Variants in NUP153 observed in about 807,000 individuals in gnomAD.
NUP153 encodes the protein nuclear pore complex protein Nup153.
Under a neutral mutation model 134.6 loss-of-function variants are expected in NUP153, and 27 were observed. That is an observed-to-expected ratio of 0.20 (90% CI 0.15 to 0.28). The LOEUF is 0.28. NUP153 is among the 10% of genes least tolerant of loss of function. The probability of loss-of-function intolerance (pLI) is 1.00; values close to 1 mark genes in which losing one functional copy is unlikely to be tolerated. For synonymous variants in NUP153, 640 were observed against 623.5 expected, an observed-to-expected ratio of 1.03 and a Z score of -0.40; for missense variants, 1,821 against 1,731.3, an observed-to-expected ratio of 1.05 and a Z score of -0.92.
intron 11 of NUP153, among the ~76,000 whole-genome samples, chr6:17,659,499 A>C (rs935210668): frequency 6.6e-6 from 1 of 152,156 alleles, no homozygotes; most frequent in African/African-American, 2.4e-5. Flanking sequence ...TTTGAGACAA[A>C]GTCTCGCTCT....
At chr6:17,663,218 T>C (rs1767298689) in intron 9 of NUP153, among the ~76,000 whole-genome samples, 1 of 140,864 alleles carries the variant, frequency 7.1e-6, no homozygotes, top group Non-Finnish European at 1.5e-5. Context: ...AATATTATGC[T>C]AAAAAGAAAA....
chr6:17,666,092 G>T (rs1767519389), intron 8 of NUP153, among the ~76,000 whole-genome samples: 2 of 151,896 alleles, frequency 1.3e-5, no homozygotes, highest in Admixed American at 6.6e-5. Flanking sequence ...CTCAAAGAGT[G>T]CTGGGATTAC....
intron 20 of NUP153, among the ~76,000 whole-genome samples, chr6:17,623,760 CA>C (rs1174534525): frequency 6.6e-6 from 1 of 152,128 alleles, no homozygotes; most frequent in Non-Finnish European, 1.5e-5. Context: ...AATCACAAAT[CA>C]AAAGACTGCA....
chr6:17,625,710 AT>A lies in NUP153; in HGVS notation c.3901+97del. On this transcript the variant is annotated intron_variant, in intron 19 of 21. Transcript: ENST00000262077. This position sits in a 1 kb window ranked among gnomAD's most constrained non-coding sequence, Gnocchi z 4.7. ...TAGATGACCAAAAGGCATTCCCACC[AT>A]TTTGTGATAACCTGCTATATGATAT... is the stretch of plus-strand genomic sequence containing the variant. 1.1e-6 allele frequency: 1 copy of A among 931,366 alleles called. No individual in the cohort carries two copies. The highest frequency in any genetic ancestry group is 1.7e-6 in the Non-Finnish European group (1 of 592,250). The allele number at this position is 931,366 out of a possible 1,614,324, so 57.7% of individuals were successfully genotyped here. A position where few individuals can be genotyped will look rare whatever the true frequency, so the allele number is the denominator to read the frequency against.
At chr6:17,703,984 T>A (rs1311554162) in intron 1 of NUP153, among the ~76,000 whole-genome samples, 1 of 152,190 alleles carries the variant, frequency 6.6e-6, no homozygotes, top group Non-Finnish European at 1.5e-5. Context: ...TTTTATTTTA[T>A]CTAAGTACAT....
Position 17,675,710 on chromosome 6 carries a change from T to C in NUP153, c.395A>G (p.His132Arg), listed in dbSNP as rs996969459. The change falls in exon 3 of 22, where the codon CAT becomes CGT. Residue 132 changes from histidine to arginine, a missense_variant. By Grantham distance (29) the His-to-Arg change is conservative. Coordinates refer to ENST00000262077, the MANE Select transcript of NUP153 (RefSeq NM_005124.4). This position sits in a 1 kb window ranked among gnomAD's most constrained non-coding sequence, Gnocchi z 4.4. ...CATGGAAAAATTCAGATGGCTCCGA[T>C]GAAGAGAAGGCCTTGTTAACACATC... ...YPDVLTRPSL[H>R]RSHLNFSMLE... 1 of 1,614,086 alleles carries C rather than the reference T, an allele frequency of 6.2e-7. No homozygotes were observed. The highest frequency in any genetic ancestry group is 8.5e-7 in the Non-Finnish European group (1 of 1,179,948).
At chr6:17,627,678 A>G (rs1042887298) in intron 18 of NUP153, among the ~76,000 whole-genome samples, 4 of 152,180 alleles carry the variant, frequency 2.6e-5, no homozygotes, top group African/African-American at 9.7e-5. Flanking sequence ...ATATTTAAAC[A>G]CATTTGGCTA....
intron 8 of NUP153, among the ~76,000 whole-genome samples, chr6:17,668,188 G>A (rs900882067): frequency 2.0e-5 from 3 of 148,120 alleles, no homozygotes; most frequent in South Asian, 2.1e-4. Context: ...TGATTCTCCT[G>A]CCTCAGCCTC....
chr6:17,669,059 G>A (rs1767732405), intron 7 of NUP153, 31 bp from the exon 8 acceptor site: 2 of 1,355,940 alleles, frequency 1.5e-6, no homozygotes. Flanking sequence ...TATTAGAATA[G>A]ATGGGGAGTT....
At chr6:17,617,971 G>A (rs1764426574) in intron 20 of NUP153, among the ~76,000 whole-genome samples, 1 of 152,100 alleles carries the variant, frequency 6.6e-6, no homozygotes, top group Non-Finnish European at 1.5e-5. Context: ...ACAGTTAAGG[G>A]CAAGAATATC....
At chr6:17,698,544 C>T (rs1422119876) in intron 1 of NUP153, among the ~76,000 whole-genome samples, 3 of 152,032 alleles carry the variant, frequency 2.0e-5, no homozygotes, top group Admixed American at 2.0e-4. Context: ...TGAGACCATC[C>T]CGGCTAACAT....
chr6:17,654,569 C>G (rs946719564), intron 11 of NUP153, among the ~76,000 whole-genome samples: 2 of 152,158 alleles, frequency 1.3e-5, no homozygotes, highest in African/African-American at 4.8e-5. Context: ...ATCCGCCCAC[C>G]TCGGCCTCCG....
chr6:17,694,731 C>A (rs1268796870), intron 1 of NUP153, among the ~76,000 whole-genome samples: 1 of 151,744 alleles, frequency 6.6e-6, no homozygotes, highest in Admixed American at 6.6e-5. Flanking sequence ...ATAAGCCCAG[C>A]GCTTTGGGAG....
At chr6:17,697,742 C>T (rs1318866760) in intron 1 of NUP153, among the ~76,000 whole-genome samples, 2 of 150,592 alleles carry the variant, frequency 1.3e-5, no homozygotes, top group South Asian at 4.2e-4. Context: ...CTCTATAACA[C>T]TAACTCAGAA....
At chr6:17,635,299 C>A (rs1030576141) in intron 16 of NUP153, among the ~76,000 whole-genome samples, 5 of 151,922 alleles carry the variant, frequency 3.3e-5, no homozygotes, top group Admixed American at 6.6e-5. Context: ...TTAGTAGAGA[C>A]AGGGGTTCAC....
At chr6:17,696,185 C>G (rs1769633289) in intron 1 of NUP153, among the ~76,000 whole-genome samples, 1 of 152,182 alleles carries the variant, frequency 6.6e-6, no homozygotes, top group Admixed American at 6.5e-5. Context: ...CCAAACAGAT[C>G]TGGAGAGGTA....
At chr6:17,678,945 T>C (rs62395978) in intron 2 of NUP153, among the ~76,000 whole-genome samples, 1 of 12,570 alleles carries the variant, frequency 8.0e-5, no homozygotes, top group Non-Finnish European at 4.1e-4. Context: ...GACTATCTCA[T>C]TTAAAAAAAA....
At chr6:17,676,682 A>G (rs530031875) in intron 2 of NUP153, among the ~76,000 whole-genome samples, 1 of 152,274 alleles carries the variant, frequency 6.6e-6, no homozygotes, top group Admixed American at 6.5e-5. Context: ...AGACAGTGGA[A>G]AACAGCACAA....
intron 5 of NUP153, among the ~76,000 whole-genome samples, chr6:17,671,384 T>C (rs1457316251): frequency 2.0e-5 from 3 of 152,200 alleles, no homozygotes; most frequent in Non-Finnish European, 2.9e-5. Context: ...ATTGGTATTA[T>C]TTCTTTCTTA....
Sources: allele counts gnomAD v4.1 joint callset (sites outside exome capture counted in the v4.1 genomes callset), GRCh38; gene constraint gnomAD v4.1.1; non-coding constraint Gnocchi (gnomAD v3.1); transcripts MANE v1.5; gene names NCBI Gene and HGNC (gene_info 2026-07-23, HGNC 2026-07-21).